The following CHST9 variants were observed in gnomAD, a reference collection of about 807,000 sequenced individuals.
The protein encoded by CHST9 is GalNAc-4-sulfotransferase 2.
A neutral mutation model predicts 44.4 loss-of-function variants in CHST9; 41 were observed. That is an observed-to-expected ratio of 0.92 (90% CI 0.72 to 1.20). The LOEUF (loss-of-function observed/expected upper bound fraction) is 1.20, where lower values mean the gene tolerates loss of function less well. Among genes scored for constraint, CHST9 ranks in the 50% most tolerant of loss-of-function variants. The pLI is 0.00. For synonymous variants in CHST9, 171 were observed against 178.4 expected (o/e 0.96, Z 0.33); for missense variants, 504 against 516.5 (o/e 0.98, Z 0.23).
intron 4 of CHST9, among the ~76,000 whole-genome samples, chr18:26,993,432 A>G (rs564833085): frequency 6.6e-6 from 1 of 152,248 alleles, no homozygotes; most frequent in South Asian, 2.1e-4. Flanking sequence ...TGACTGTCTC[A>G]TAAAGAATAA....
chr18:26,999,801 GTTA>G (rs780261632), intron 4 of CHST9, among the ~76,000 whole-genome samples: 4 of 152,108 alleles, frequency 2.6e-5, no homozygotes, highest in African/African-American at 9.7e-5. Flanking sequence ...TAGTAGTAAA[GTTA>G]TTATTATCTA....
Position 26,913,779 on chromosome 18 carries a change from C to T in CHST9, c.*2480G>A, listed in dbSNP as rs970735514. 16 of 152,092 alleles carry T rather than the reference C, an allele frequency of 1.1e-4. No homozygotes were observed. The highest frequency in any genetic ancestry group is 7.7e-4 in the East Asian group (4 of 5,202). The allele number at this position is 152,092 out of a possible 1,614,324, so 9.4% of individuals were successfully genotyped here. On this transcript the variant is annotated 3_prime_UTR_variant, in exon 6 of 6. Transcript: ENST00000618847. ...TGGATTTATGCACAGGCAGAAATGA[C>T]AAAGGTGAATGTGAGCTGGTCTGCA...
chr18:27,100,876 T>C (rs1568172790), intron 2 of CHST9, among the ~76,000 whole-genome samples: 2 of 152,204 alleles, frequency 1.3e-5, no homozygotes, highest in South Asian at 4.1e-4. Context: ...GACATGATGG[T>C]ATAGTCCACA....
chr18:26,964,971 G>A (rs992249179), intron 4 of CHST9, among the ~76,000 whole-genome samples: 7 of 152,312 alleles, frequency 4.6e-5, no homozygotes, highest in African/African-American at 1.7e-4. Context: ...GCGATGGCAG[G>A]AGCCTTAGAC....
Position 26,914,891 on chromosome 18 carries a change from A to C in CHST9, c.*1368T>G. 2.5e-6 allele frequency: 1 copy of C among 397,874 alleles called. No individual in the cohort carries two copies. 24.6% of individuals were successfully genotyped at this position (397,874 alleles called of 1,614,324 possible). ...AAAGCATTTAAGCAGGGTTTGAAAGACTTGTGATTTTCTTAACTCGGGGTA... is the reference window on the plus strand; with the variant it reads ...AAAGCATTTAAGCAGGGTTTGAAAGCCTTGTGATTTTCTTAACTCGGGGTA... On this transcript the variant is annotated 3_prime_UTR_variant, in exon 6 of 6. Coordinates refer to ENST00000618847, the MANE Select transcript of CHST9 (RefSeq NM_031422.6).
chr18:27,105,374 T>G (rs988920153), intron 2 of CHST9, among the ~76,000 whole-genome samples: 1 of 152,170 alleles, frequency 6.6e-6, no homozygotes, highest in Non-Finnish European at 1.5e-5. Context: ...TAAGAAGACT[T>G]CTGTCTTTGT....
chr18:27,058,287 G>A (rs1376999495), intron 2 of CHST9, among the ~76,000 whole-genome samples: 1 of 152,090 alleles, frequency 6.6e-6, no homozygotes, highest in African/African-American at 2.4e-5. Context: ...TATTCTAAGT[G>A]TCTTTGGTGT....
rs56288802 is a variant in CHST9 at position 26,912,374 on chromosome 18, TACACACACACAC to T, written c.*3873_*3884del. On this transcript the variant is annotated 3_prime_UTR_variant, in exon 6 of 6. Transcript: ENST00000618847. The stretch of plus-strand genomic sequence containing the variant: ...GAAATGTGATAACTAACTAGCTAAA[TACACACACACAC>T]ACACACACACACACACACACACACA... The T allele has an allele frequency of 8.5e-6, 1 of 117,136 alleles. No homozygotes were observed. The highest frequency in any genetic ancestry group is 7.7e-5 in the Admixed American group (1 of 12,926). The allele number at this position is 117,136 out of a possible 1,614,324, so 7.3% of individuals were successfully genotyped here.
intron 2 of CHST9, among the ~76,000 whole-genome samples, chr18:27,093,250 T>G (rs1239129462): frequency 2.6e-5 from 4 of 152,196 alleles, no homozygotes; most frequent in African/African-American, 9.7e-5. Context: ...GCTCAAACAC[T>G]GTGCTGGGAG....
intron 4 of CHST9, among the ~76,000 whole-genome samples, chr18:26,974,708 C>T (rs1487703086): frequency 1.4e-5 from 2 of 146,480 alleles, no homozygotes; most frequent in Non-Finnish European, 3.0e-5. Context: ...GGGTCTCACT[C>T]TGTCACCCAG....
At chr18:26,943,895 A>AG (rs2056122626) in intron 5 of CHST9, among the ~76,000 whole-genome samples, 1 of 152,232 alleles carries the variant, frequency 6.6e-6, no homozygotes, top group African/African-American at 2.4e-5. Flanking sequence ...TGTGGTATAT[A>AG]GGGGGCCAGT....
chr18:27,094,863 T>G (rs2058102141), intron 2 of CHST9, among the ~76,000 whole-genome samples: 1 of 152,212 alleles, frequency 6.6e-6, no homozygotes, highest in Non-Finnish European at 1.5e-5. Context: ...CTCTGTCTTT[T>G]TTATTTCAAA....
chr18:27,087,276 A>G (rs2058022343), intron 2 of CHST9, among the ~76,000 whole-genome samples: 1 of 152,168 alleles, frequency 6.6e-6, no homozygotes, highest in African/African-American at 2.4e-5. Context: ...AGAAAAAAAT[A>G]ATTTAAAAGG....
chr18:27,085,962 T>C (rs2058008505), intron 2 of CHST9, among the ~76,000 whole-genome samples: 1 of 152,182 alleles, frequency 6.6e-6, no homozygotes, highest in African/African-American at 2.4e-5. Flanking sequence ...AACCTGTCTT[T>C]TGCAGCAACA....
chr18:26,916,926 G>A lies in CHST9; in HGVS notation c.665C>T (p.Ala222Val), dbSNP rs2055539716. 1 of 1,613,786 alleles carries A rather than the reference G, an allele frequency of 6.2e-7. No homozygotes were observed. Among genetic ancestry groups the A allele is most frequent in the South Asian group, 1.1e-5 (1 of 91,070 alleles). Residue 222 changes from alanine to valine, a missense_variant, in exon 6 of 6, where the codon GCT becomes GTT. By Grantham distance (64) the Ala-to-Val change is moderately conservative (BLOSUM62 0). Coordinates refer to ENST00000618847, the MANE Select transcript of CHST9 (RefSeq NM_031422.6). ...AATTCTTTTCCAATTGGAACAGCCA[G>A]CCTTAGGTACCTCACAATATAAGAT... ...HKILYCEVPK[A>V]GCSNWKRILM...
At chr18:26,936,710 A>G (rs2145099872) in intron 5 of CHST9, 1 of 152,256 alleles carries the variant, frequency 6.6e-6, no homozygotes, top group South Asian at 2.1e-4. Context: ...TCTGGTACAG[A>G]TGCTAGCAAG....
intron 2 of CHST9, among the ~76,000 whole-genome samples, chr18:27,070,654 G>T (rs1472629194): frequency 6.7e-6 from 1 of 149,024 alleles, no homozygotes; most frequent in East Asian, 2.0e-4. Flanking sequence ...CCACTAAGTG[G>T]GAACAAAAGA....
intron 3 of CHST9, among the ~76,000 whole-genome samples, chr18:27,039,414 A>G (rs1430453077): frequency 6.6e-6 from 1 of 152,088 alleles, no homozygotes; most frequent in African/African-American, 2.4e-5. Flanking sequence ...AAAACCACAA[A>G]TATTGTATGA....
chr18:27,024,930 G>A (rs2057268236), intron 3 of CHST9, among the ~76,000 whole-genome samples: 2 of 151,880 alleles, frequency 1.3e-5, no homozygotes, highest in Admixed American at 6.6e-5. Context: ...TCACCTATGG[G>A]GAGAGAAGAG....
Sources: allele counts gnomAD v4.1 joint callset (sites outside exome capture counted in the v4.1 genomes callset), GRCh38; gene constraint gnomAD v4.1.1; transcripts MANE v1.5; gene names NCBI Gene and HGNC (gene_info 2026-07-23, HGNC 2026-07-21).